Variants in SYNPO observed in about 807,000 individuals in gnomAD.
SYNPO encodes the protein synaptopodin.
SYNPO carries 19 observed loss-of-function variants against 49.5 expected under a neutral mutation model. The observed-to-expected ratio is 0.38, with a 90% CI of 0.27 to 0.56. SYNPO has a LOEUF of 0.56. Among genes scored for constraint, SYNPO ranks in the 20% least tolerant of loss-of-function variants. The pLI, the probability that SYNPO is intolerant of heterozygous loss-of-function variation, is 0.68. For synonymous variants in SYNPO, 536 were observed against 548.0 expected (o/e 0.98, Z 0.31); for missense variants, 1,131 against 1,248.3 (o/e 0.91, Z 1.42).
At chr5:150,596,485 GA>G (rs1367977308), upstream of SYNPO, among the ~76,000 whole-genome samples, 1 of 152,150 alleles carries the variant, frequency 6.6e-6, no homozygotes, top group African/African-American at 2.4e-5. Flanking sequence ...CGAGTTGACG[GA>G]CGGCCCCCAT....
At position 150,620,872 on chromosome 5, in the gene SYNPO, CCTTT is replaced by C. The variant is rs959842784; in HGVS notation, c.400+2110_400+2113del. On this transcript the variant is annotated intron_variant, in intron 2 of 2. Coordinates refer to the SYNPO transcript ENST00000394243. Reference sequence around the variant, plus strand: ...CTTGCCTGGAACAGTATGGTTCATTCCTTTCTTTTTCTTTTTTTCTTTTTTTCTC... The same window carrying C: ...CTTGCCTGGAACAGTATGGTTCATTCCTTTTTCTTTTTTTCTTTTTTTCTC... Among the ~76,000 whole-genome samples, 501 of 150,836 alleles carry C rather than the reference CCTTT, an allele frequency of 3.3e-3. 4 individuals carry two copies. The highest frequency in any genetic ancestry group is 0.012 in the African/African-American group (478 of 40,930).
chr5:150,654,409 ATTG>A (rs974904942), intron 2 of SYNPO, among the ~76,000 whole-genome samples: 15 of 151,966 alleles, frequency 9.9e-5, no homozygotes, highest in Non-Finnish European at 2.1e-4. Context: ...AACACACTAG[ATTG>A]TTATTTACAC....
At chr5:150,589,450 G>A in the SYNPO span, among the ~76,000 whole-genome samples, 11 of 152,302 alleles carry the variant, frequency 7.2e-5, no homozygotes, top group African/African-American at 2.6e-4. Context: ...CGCTCTGCAC[G>A]TCATTACCCA....
At chr5:150,626,865 G>A (rs547134617) in intron 2 of SYNPO, among the ~76,000 whole-genome samples, 1 of 152,176 alleles carries the variant, frequency 6.6e-6, no homozygotes, top group African/African-American at 2.4e-5. Flanking sequence ...GGTGAATGGC[G>A]ACATGAGTGT....
In SYNPO at chr5:150,620,124, C is replaced by T. The variant is rs530914263; in HGVS notation, c.400+1357C>T. Among the ~76,000 whole-genome samples the T allele has an allele frequency of 6.0e-4, 91 of 152,318 alleles. 2 individuals are homozygous for T. The highest frequency in any genetic ancestry group is 2.5e-3 in the South Asian group (12 of 4,830). ...CGACTAGCCAAGCCCTAGCAAATCC[C>T]TTCCCCTTGGTGAGCTCTACTTTCC... On this transcript the variant is annotated intron_variant, in intron 2 of 2. Coordinates refer to the SYNPO transcript ENST00000394243.
At position 150,634,161 on chromosome 5, in the gene SYNPO, G is replaced by A. The variant is rs1244227876; in HGVS notation, c.401-13783G>A. Reference sequence around the variant, plus strand: ...GGCTGTACACAGAACCCCTTCGGGAGCCTGTTAAGGTGTATATTCTGTGGT... The same window carrying A: ...GGCTGTACACAGAACCCCTTCGGGAACCTGTTAAGGTGTATATTCTGTGGT... On this transcript the variant is annotated intron_variant, in intron 2 of 2. Coordinates refer to the SYNPO transcript ENST00000394243. Among the ~76,000 whole-genome samples the A allele has an allele frequency of 2.6e-5, 4 of 152,274 alleles. No homozygotes were observed. In the East Asian group the frequency reaches 7.7e-4, roughly 29 times the overall value.
rs1758609447 is a variant in SYNPO, at chr5:150,657,355, C to T, written c.*268C>T. The T allele has an allele frequency of 2.0e-6, 1 of 497,094 alleles. No individual in the cohort carries two copies. The highest frequency in any genetic ancestry group is 3.6e-6 in the Non-Finnish European group (1 of 275,736). The allele number at this position is 497,094 out of a possible 1,614,324, so 30.8% of individuals were successfully genotyped here. ...AATGGTGGCTTTGGCCAAGGCAATC[C>T]ACAAACGTCAAAATTCCCCTTCCCA... On this transcript the variant is annotated 3_prime_UTR_variant, in exon 3 of 3. Transcript: ENST00000307662.
intron 1 of SYNPO, among the ~76,000 whole-genome samples, chr5:150,610,690 A>G (rs76297332): frequency 0.038 from 5,758 of 152,332 alleles, 156 homozygotes; most frequent in East Asian, 0.12. Context: ...TCCTCACAGC[A>G]ATATGATATC....
At chr5:150,633,950 C>G (rs930982244) in intron 2 of SYNPO, among the ~76,000 whole-genome samples, 8 of 151,752 alleles carry the variant, frequency 5.3e-5, no homozygotes, top group Non-Finnish European at 1.0e-4. Flanking sequence ...AGTGAAAACG[C>G]ACCTCTATTA....
Position 150,650,161 on chromosome 5 carries a change from A to C in SYNPO, c.1886A>C (p.Gln629Pro), listed in dbSNP as rs145965664. Residue 629 changes from glutamine (Q) to proline (P), a missense_variant, in exon 2 of 3, where the codon CAG becomes CCG. Transcript: ENST00000307662. ...CCGGGCCTCTACACCTCCCCCGGCC[A>C]GGACAGCCTGCAGCCCACTGCCGTG... Reference protein sequence around the residue: ...SSPGLYTSPGQDSLQPTAVSP... With the variant: ...SSPGLYTSPGPDSLQPTAVSP... 3.0e-4 allele frequency: 480 copies of C among 1,613,782 alleles called. 5 individuals carry two copies. The East Asian group carries it at 0.011, about 36-fold the overall frequency.
rs1758666121 is a variant in SYNPO at position 150,659,042 on chromosome 5, G to A, written c.*1955G>A. The A allele has an allele frequency of 6.6e-6, 1 of 152,334 alleles. No individual in the cohort carries two copies. The highest frequency in any genetic ancestry group is 1.5e-5 in the Non-Finnish European group (1 of 68,052). 9.4% of individuals were successfully genotyped at this position (152,334 alleles called of 1,614,324 possible). On this transcript the variant is annotated 3_prime_UTR_variant, in exon 3 of 3. Transcript: ENST00000307662. ...CCTGCATTTCCCAGAGGACTAGCAG[G>A]AGGCAGCCTTGAGAAACCGGCAGTT... is the stretch of plus-strand genomic sequence containing the variant.
At chr5:150,590,530 C>A in the SYNPO span, among the ~76,000 whole-genome samples, 1 of 152,218 alleles carries the variant, frequency 6.6e-6, no homozygotes, top group South Asian at 2.1e-4. Flanking sequence ...GCCTTTGTCT[C>A]TTGGTTTCTC....
intron 1 of SYNPO, among the ~76,000 whole-genome samples, chr5:150,612,127 A>G (rs1756864527): frequency 6.6e-6 from 1 of 152,188 alleles, no homozygotes; most frequent in East Asian, 1.9e-4. Flanking sequence ...CAAGGACAAC[A>G]AAAGCTTTCT....
At chr5:150,630,565 C>T (rs78778538) in intron 2 of SYNPO, among the ~76,000 whole-genome samples, 3,606 of 152,246 alleles carry the variant, frequency 0.024, 130 homozygotes, top group African/African-American at 0.082. Flanking sequence ...CTGTCACGCG[C>T]ACGGAGAACA....
chr5:150,618,965 C>A (rs1757063977), intron 2 of SYNPO, among the ~76,000 whole-genome samples: 1 of 152,112 alleles, frequency 6.6e-6, no homozygotes, highest in Non-Finnish European at 1.5e-5. Flanking sequence ...CCACATCTAA[C>A]CCCACTCCTT....
chr5:150,634,653 T>C (rs762450652), intron 2 of SYNPO, among the ~76,000 whole-genome samples: 19 of 151,968 alleles, frequency 1.3e-4, no homozygotes, highest in Non-Finnish European at 2.2e-4. Context: ...ACCTCGTCTG[T>C]ACAAAAATTT....
chr5:150,614,781 C>T (rs773133164), intron 1 of SYNPO: 1 of 152,182 alleles, frequency 6.6e-6, no homozygotes, highest in East Asian at 1.9e-4. Context: ...CAGGTGCTCT[C>T]CTACCCACAG....
chr5:150,627,177 C>A (rs1382452172), intron 2 of SYNPO, among the ~76,000 whole-genome samples: 2 of 152,180 alleles, frequency 1.3e-5, no homozygotes, highest in African/African-American at 4.8e-5. Context: ...AAGGGAGGGA[C>A]TGAGGGGAAG....
intron 1 of SYNPO, among the ~76,000 whole-genome samples, chr5:150,646,547 C>G (rs1020197795): frequency 6.6e-6 from 1 of 151,642 alleles, no homozygotes; most frequent in African/African-American, 2.4e-5. Flanking sequence ...CATGGTGAAA[C>G]CCTGTCTCTA....
Sources: gnomAD v4.1 joint callset for allele counts (sites outside exome capture counted in the v4.1 genomes callset) on GRCh38, gnomAD v4.1.1 for gene constraint, MANE v1.5 for transcripts, NCBI Gene and HGNC (gene_info 2026-07-23, HGNC 2026-07-21) for gene names.